Variants in DHRS3 observed in about 807,000 individuals in gnomAD.
DHRS3 encodes the protein dehydrogenase/reductase 3, also known as short-chain dehydrogenase/reductase 3.
A neutral mutation model predicts 27.2 loss-of-function variants in DHRS3; 14 were observed. The observed-to-expected ratio is 0.52, with a 90% CI of 0.34 to 0.81. DHRS3 has a LOEUF of 0.81. Ranked by LOEUF, DHRS3 falls within the 30% of genes least tolerant of loss-of-function variation. The pLI is 0.01. For synonymous variants in DHRS3, 165 were observed against 175.9 expected (o/e 0.94, Z 0.49); for missense variants, 322 against 406.2 (o/e 0.79, Z 1.78).
chr1:12,606,767 T>C (rs1646874731), intron 1 of DHRS3, among the ~76,000 whole-genome samples: 1 of 152,102 alleles, frequency 6.6e-6, no homozygotes, highest in Non-Finnish European at 1.5e-5. Flanking sequence ...AGTGCTGGGA[T>C]TACAGGTGTG....
intron 1 of DHRS3, among the ~76,000 whole-genome samples, chr1:12,588,534 G>A (rs1022750316): frequency 2.0e-5 from 3 of 152,122 alleles, no homozygotes; most frequent in Admixed American, 2.0e-4. Flanking sequence ...CATGCTGACT[G>A]GTGAACACCC....
rs544172602 is a variant in DHRS3, at chr1:12,593,078, G to C, written c.196-12412C>G. Among the ~76,000 whole-genome samples, 1 of 152,280 alleles carries C rather than the reference G, an allele frequency of 6.6e-6. No homozygotes were observed. The highest frequency in any genetic ancestry group is 2.1e-4 in the South Asian group (1 of 4,828). Reference sequence around the variant, plus strand: ...TGCCCCAGGGCCCCTGCCTCAGTCTGTTCTCAACACAACAGCCAGAGATCC... The same window carrying C: ...TGCCCCAGGGCCCCTGCCTCAGTCTCTTCTCAACACAACAGCCAGAGATCC... On this transcript the variant is annotated intron_variant, in intron 1 of 5. Coordinates refer to ENST00000616661, the MANE Select transcript of DHRS3 (RefSeq NM_004753.7). This position sits in a 1 kb window ranked among gnomAD's most constrained non-coding sequence, Gnocchi z 4.6.
chr1:12,587,484 T>C (rs1433173853), intron 1 of DHRS3, among the ~76,000 whole-genome samples: 1 of 152,102 alleles, frequency 6.6e-6, no homozygotes, highest in African/African-American at 2.4e-5. Context: ...TCAGGCAGGA[T>C]CACAGCTGAC....
intron 1 of DHRS3, among the ~76,000 whole-genome samples, chr1:12,588,674 G>T (rs1437892743): frequency 6.6e-6 from 1 of 152,218 alleles, no homozygotes; most frequent in African/African-American, 2.4e-5. Flanking sequence ...GCCCCAGGAG[G>T]ATACCGAGTG....
Position 12,617,165 on chromosome 1 carries a change from C to T in DHRS3, c.184G>A (p.Gly62Ser). The change falls in exon 1 of 6, where the codon GGC becomes AGC. Residue 62 changes from glycine (G) to serine (S), a missense_variant. Gly to Ser is a moderately conservative substitution (Grantham distance 56, BLOSUM62 0). Coordinates refer to ENST00000616661, the MANE Select transcript of DHRS3 (RefSeq NM_004753.7). Reference sequence around the variant, plus strand: ...GCAGTGCCTGGTACCTTTCTGGCGCCGCGCTCCGCGAACTCGCGGGCGAGC... The same window carrying T: ...GCAGTGCCTGGTACCTTTCTGGCGCTGCGCTCCGCGAACTCGCGGGCGAGC... ...RQLAREFAER[G>S]ARKIVLWGRT... is the part of the protein sequence containing the mutation. The T allele has an allele frequency of 1.2e-6, 2 of 1,611,626 alleles. No homozygotes were observed. Among genetic ancestry groups the T allele is most frequent in the Non-Finnish European group, 1.7e-6 (2 of 1,179,570 alleles).
chr1:12,589,205 T>A (rs936102446), intron 1 of DHRS3, among the ~76,000 whole-genome samples: 2 of 152,132 alleles, frequency 1.3e-5, no homozygotes, highest in African/African-American at 4.8e-5. Flanking sequence ...CTACTAGAAT[T>A]TCCCCCTTTC....
chr1:12,576,561 TAA>T (rs1185862824), intron 4 of DHRS3, among the ~76,000 whole-genome samples: 1 of 142,834 alleles, frequency 7.0e-6, no homozygotes, highest in Admixed American at 7.1e-5. Flanking sequence ...GATTCCGTCT[TAA>T]AAAAAAAAAC....
chr1:12,571,754 G>A (rs1279949768), intron 5 of DHRS3, among the ~76,000 whole-genome samples: 1 of 152,004 alleles, frequency 6.6e-6, no homozygotes, highest in Non-Finnish European at 1.5e-5. Context: ...GGCTGGTCTC[G>A]AACTCCCAAC....
Position 12,591,461 on chromosome 1 carries a change from C to T in DHRS3, c.196-10795G>A, listed in dbSNP as rs570815521. ...GATGAAGCTCCTCAAATTAGATCAG[C>T]CAGTGGTGTCGCCCTCCCACAAGTC... On this transcript the variant is annotated intron_variant, in intron 1 of 5. Coordinates refer to ENST00000616661, the MANE Select transcript of DHRS3 (RefSeq NM_004753.7). This position sits in a 1 kb window ranked among gnomAD's most constrained non-coding sequence, Gnocchi z 4.1. Among the ~76,000 whole-genome samples the T allele has an allele frequency of 4.6e-5, 7 of 152,356 alleles. No individual in the cohort carries two copies. The highest frequency in any genetic ancestry group is 1.4e-4 in the African/African-American group (6 of 41,590).
Position 12,579,336 on chromosome 1 carries a change from GCAT to G in DHRS3, c.413_415del (p.Asp138del). 6.2e-7 allele frequency: 1 copy of G among 1,614,160 alleles called. No individual in the cohort carries two copies. The highest frequency in any genetic ancestry group is 8.5e-7 in the Non-Finnish European group (1 of 1,180,020). ...GTTGATGTGTTGGGACTTGAGGAGG[GCAT>G]CATCATCACTGTCCATTAGGCTCTT... On this transcript the variant is annotated inframe_deletion, in exon 3 of 6. Coordinates refer to ENST00000616661, the MANE Select transcript of DHRS3 (RefSeq NM_004753.7).
At position 12,589,022 on chromosome 1, in the gene DHRS3, G is replaced by A. The variant is rs185549504; in HGVS notation, c.196-8356C>T. Among the ~76,000 whole-genome samples the A allele has an allele frequency of 2.8e-3, 432 of 152,368 alleles. 7 individuals are homozygous for A. The highest frequency in any genetic ancestry group is 1.5e-3 in the Non-Finnish European group (103 of 68,034). ...GGCGGTGGGGTGGGAAGGTCACAGC[G>A]TGGAGGGTGCACAGCTCTCTGCTCC... On this transcript the variant is annotated intron_variant, in intron 1 of 5. Transcript: ENST00000616661.
chr1:12,570,644 G>A lies in DHRS3; in HGVS notation c.824+2084C>T, dbSNP rs147693582. Among the ~76,000 whole-genome samples the A allele has an allele frequency of 1.5e-4, 23 of 152,276 alleles. No homozygotes were observed. In the East Asian group the frequency reaches 3.9e-3, roughly 26 times the overall value. ...AGGCTGAGGGCTTACTGTGGAGAGC[G>A]CTGAGGTGTTCTAGACCAACTTTTC... On this transcript the variant is annotated intron_variant, in intron 5 of 5. Transcript: ENST00000616661.
rs567330109 is a variant in DHRS3 at position 12,593,820 on chromosome 1, C to T, written c.196-13154G>A. On this transcript the variant is annotated intron_variant, in intron 1 of 5. Coordinates refer to ENST00000616661, the MANE Select transcript of DHRS3 (RefSeq NM_004753.7). The surrounding 1 kb of genome is among the most constrained non-coding windows in gnomAD (Gnocchi z 4.6). ...CCACTCAGAAAACTCTCCAGGGAAA[C>T]GATCACAAAAGCTGACTCTGGGCAG... 2.6e-5 allele frequency among the ~76,000 whole-genome samples: 4 copies of T among 152,152 alleles called. No homozygotes were observed. Among genetic ancestry groups the T allele is most frequent in the African/African-American group, 7.2e-5 (3 of 41,432 alleles).
chr1:12,588,179 C>A (rs182447343), intron 1 of DHRS3, among the ~76,000 whole-genome samples: 4 of 152,330 alleles, frequency 2.6e-5, no homozygotes, highest in African/African-American at 9.6e-5. Context: ...ATTCAACCTG[C>A]AAAACCCTAC....
chr1:12,575,689 G>A (rs1646579619), intron 4 of DHRS3, among the ~76,000 whole-genome samples: 1 of 151,584 alleles, frequency 6.6e-6, no homozygotes, highest in African/African-American at 2.4e-5. Flanking sequence ...CCATGAAAAG[G>A]GGATACTATT....
At chr1:12,588,264 CTA>C (rs1005444767) in intron 1 of DHRS3, among the ~76,000 whole-genome samples, 44 of 152,348 alleles carry the variant, frequency 2.9e-4, no homozygotes, top group African/African-American at 1.1e-3. Context: ...AGCACCACCA[CTA>C]TATAATGGCT....
In DHRS3 at chr1:12,592,937, C is replaced by T. The variant is rs1646758793; in HGVS notation, c.196-12271G>A. 6.6e-6 allele frequency among the ~76,000 whole-genome samples: 1 copy of T among 152,184 alleles called. No individual in the cohort carries two copies. Among genetic ancestry groups the T allele is most frequent in the African/African-American group, 2.4e-5 (1 of 41,450 alleles). ...CAGCCTGACCTCTGAAATCCAGAGG[C>T]TTCTCACCACTTCTCGCCACCTCCA... On this transcript the variant is annotated intron_variant, in intron 1 of 5. Transcript: ENST00000616661. The surrounding 1 kb of genome is among the most constrained non-coding windows in gnomAD (Gnocchi z 4.2).
intron 1 of DHRS3, among the ~76,000 whole-genome samples, chr1:12,615,773 C>A (rs550063725): frequency 1.3e-5 from 2 of 152,180 alleles, no homozygotes; most frequent in Non-Finnish European, 2.9e-5. Flanking sequence ...TATGGGGCAT[C>A]GCCTCAAGGA....
At chr1:12,568,794 G>T (rs1260102898) in intron 5 of DHRS3, among the ~76,000 whole-genome samples, 1 of 152,196 alleles carries the variant, frequency 6.6e-6, no homozygotes, top group Non-Finnish European at 1.5e-5. Context: ...GGGCATGGTG[G>T]CATGTGCCTA....
Sources: gnomAD v4.1 joint callset for allele counts (sites outside exome capture counted in the v4.1 genomes callset) on GRCh38, gnomAD v4.1.1 for gene constraint, Gnocchi (gnomAD v3.1) non-coding constraint, MANE v1.5 for transcripts, NCBI Gene and HGNC (gene_info 2026-07-23, HGNC 2026-07-21) for gene names.